The following RANBP2 variants were observed in gnomAD, a reference collection of about 807,000 sequenced individuals.
The protein encoded by RANBP2 is E3 SUMO-protein ligase RanBP2.
Under a neutral mutation model 303.6 loss-of-function variants are expected in RANBP2, and 57 were observed. The ratio of observed to expected loss-of-function variants is 0.19; its 90% CI spans 0.15 to 0.23. The LOEUF (loss-of-function observed/expected upper bound fraction) is 0.23. Ranked by LOEUF, RANBP2 falls within the 10% of genes least tolerant of loss-of-function variation. The pLI is 1.00. For missense variants in RANBP2, 3,138 were observed against 3,780.8 expected (o/e 0.83, Z 4.46); for synonymous variants, 1,167 against 1,301.5 (o/e 0.90, Z 2.23).
chr2:109,245,044 T>A, the RANBP2 span, among the ~76,000 whole-genome samples: 1 of 152,154 alleles, frequency 6.6e-6, no homozygotes, highest in African/African-American at 2.4e-5. Flanking sequence ...TGTTTAGTCC[T>A]GTTGTCTGGG....
chr2:109,714,263 T>C, the RANBP2 span, among the ~76,000 whole-genome samples: 1 of 152,032 alleles, frequency 6.6e-6, no homozygotes. Flanking sequence ...TTTGTGTGTG[T>C]GTGTGTGTGT....
the RANBP2 span, among the ~76,000 whole-genome samples, chr2:109,151,111 G>T: frequency 6.6e-6 from 1 of 152,238 alleles, no homozygotes; most frequent in Non-Finnish European, 1.5e-5. Flanking sequence ...CCTGCATTTG[G>T]TGAGGGGTGG....
the RANBP2 span, among the ~76,000 whole-genome samples, chr2:109,011,866 G>GTGTGTGCGTGTA: frequency 2.4e-3 from 364 of 152,138 alleles, 1 homozygote; most frequent in South Asian, 4.2e-3. Flanking sequence ...GCATGTATAT[G>GTGTGTGCGTGTA]TGTGTGCGTG....
the RANBP2 span, among the ~76,000 whole-genome samples, chr2:109,168,007 A>G: frequency 6.6e-6 from 1 of 152,176 alleles, no homozygotes; most frequent in African/African-American, 2.4e-5. Context: ...ATCTCTCTAA[A>G]TGTGGCATGG....
chr2:109,299,803 G>C, the RANBP2 span, among the ~76,000 whole-genome samples: 1 of 152,120 alleles, frequency 6.6e-6, no homozygotes, highest in Non-Finnish European at 1.5e-5. Flanking sequence ...GTGTGGGCTC[G>C]TTTATTTATT....
the RANBP2 span, among the ~76,000 whole-genome samples, chr2:109,493,097 C>T: frequency 7.8e-4 from 118 of 150,884 alleles, 1 homozygote; most frequent in Non-Finnish European, 1.4e-3. Flanking sequence ...TACAAACATA[C>T]ACATACACCA....
At chr2:109,572,057 C>T in the RANBP2 span, among the ~76,000 whole-genome samples, 1 of 152,214 alleles carries the variant, frequency 6.6e-6, no homozygotes, top group African/African-American at 2.4e-5. Flanking sequence ...AGGCATTGTA[C>T]TAAATGCTTC....
At chr2:109,062,722 C>A in the RANBP2 span, among the ~76,000 whole-genome samples, 36,624 of 151,918 alleles carry the variant, frequency 0.24, 4,751 homozygotes, top group Middle Eastern at 0.32. Flanking sequence ...TCTCGTGAGA[C>A]AGAGCACAGT....
chr2:108,867,273 C>T, the RANBP2 span, among the ~76,000 whole-genome samples: 722 of 152,228 alleles, frequency 4.7e-3, 7 homozygotes, highest in South Asian at 0.023. Context: ...AAGCTCCCCG[C>T]TGGAAGCTAG....
chr2:109,519,435 T>A, the RANBP2 span, among the ~76,000 whole-genome samples: 1 of 152,178 alleles, frequency 6.6e-6, no homozygotes, highest in African/African-American at 2.4e-5. Context: ...TGTTACTGTG[T>A]GATTTGCCCA....
the RANBP2 span, among the ~76,000 whole-genome samples, chr2:109,409,574 C>T: frequency 6.6e-6 from 1 of 152,120 alleles, no homozygotes; most frequent in African/African-American, 2.4e-5. Flanking sequence ...CCTCCATCTT[C>T]AGTGGTGAGC....
At chr2:109,227,812 C>T in the RANBP2 span, among the ~76,000 whole-genome samples, 53 of 152,320 alleles carry the variant, frequency 3.5e-4, no homozygotes, top group Non-Finnish European at 5.6e-4. Flanking sequence ...CTTCCTTTCC[C>T]GAATTCCCGC....
the RANBP2 span, among the ~76,000 whole-genome samples, chr2:108,937,394 G>A: frequency 6.6e-6 from 1 of 152,222 alleles, no homozygotes; most frequent in African/African-American, 2.4e-5. Context: ...ACACGTGAGT[G>A]TATGTGTATC....
the RANBP2 span, among the ~76,000 whole-genome samples, chr2:109,200,497 G>A: frequency 1.3e-5 from 2 of 152,090 alleles, no homozygotes; most frequent in Non-Finnish European, 2.9e-5. Context: ...GTCCTGCTCA[G>A]TCGGCGGGTC....
At chr2:109,613,725 G>T in the RANBP2 span, 1 of 1,022,298 alleles carries the variant, frequency 9.8e-7, no homozygotes, top group Non-Finnish European at 1.2e-6. Context: ...CAGGGGGCCG[G>T]TGGGTCGAGG....
chr2:109,629,302 GATATATATATATAT>G, the RANBP2 span, among the ~76,000 whole-genome samples: 254 of 77,552 alleles, frequency 3.3e-3, 6 homozygotes, highest in Middle Eastern at 0.016. Flanking sequence ...CTGGCCTAAA[GATATATATATATAT>G]ATATATATAT....
the RANBP2 span, among the ~76,000 whole-genome samples, chr2:109,601,427 A>G: frequency 6.6e-6 from 1 of 152,248 alleles, no homozygotes; most frequent in Non-Finnish European, 1.5e-5. Flanking sequence ...CAGGGTATTA[A>G]CAATTTTTAA....
chr2:109,147,135 C>A, the RANBP2 span, among the ~76,000 whole-genome samples: 1 of 152,064 alleles, frequency 6.6e-6, no homozygotes, highest in South Asian at 2.1e-4. Context: ...GGGTGGGTTT[C>A]TTTTTGTCCA....
Position 108,749,012 on chromosome 2 carries a change from T to C in RANBP2, c.1156T>C (p.Tyr386His), listed in dbSNP as rs1675623867. ...CAACAAAAGCGGGCAGTCTGCATTA[T>C]ATGATGCTCTGTTTTCTAGTCAGTC... ...FANKSGQSAL[Y>H]DALFSSQSPK... is the part of the protein sequence containing the mutation. The change falls in exon 9 of 29, where the codon TAT becomes CAT. Residue 386 changes from tyrosine to histidine, a missense_variant. Tyr to His is a moderately conservative substitution (Grantham distance 83, BLOSUM62 2). Coordinates refer to ENST00000283195, the MANE Select transcript of RANBP2 (RefSeq NM_006267.5). The C allele has an allele frequency of 4.3e-6, 7 of 1,611,996 alleles. No homozygotes were observed. Among genetic ancestry groups the C allele is most frequent in the Non-Finnish European group, 5.9e-6 (7 of 1,179,864 alleles).
Sources: gnomAD v4.1 joint callset for allele counts (sites outside exome capture counted in the v4.1 genomes callset) on GRCh38, gnomAD v4.1.1 for gene constraint, MANE v1.5 for transcripts, NCBI Gene and HGNC (gene_info 2026-07-23, HGNC 2026-07-21) for gene names.